Variants in INTS6 observed in about 807,000 individuals in gnomAD.
INTS6 encodes integrator complex subunit 6.
A neutral mutation model predicts 104.9 loss-of-function variants in INTS6; 16 were observed. That is an observed-to-expected ratio of 0.15 (90% confidence interval 0.10 to 0.23). The LOEUF (loss-of-function observed/expected upper bound fraction) is 0.23, where lower values mean the gene tolerates loss of function less well. INTS6 is among the 10% of genes least tolerant of loss of function. The pLI, the probability that INTS6 is intolerant of heterozygous loss-of-function variation, is 1.00. For synonymous variants in INTS6, 324 were observed against 358.7 expected (o/e 0.90, Z 1.09); for missense variants, 584 against 1,062.8 (o/e 0.55, Z 6.26).
chr13:51,373,059 T>C, intron 15 of INTS6, among the ~76,000 whole-genome samples: 1 of 152,136 alleles, frequency 6.6e-6, no homozygotes, highest in East Asian at 1.9e-4. Context: ...ATATTTTTTT[T>C]CCAGGAAAAA....
chr13:51,383,890 A>G (rs1956093717), intron 7 of INTS6, 149 bp from the exon 8 acceptor site: 2 of 510,526 alleles, frequency 3.9e-6, no homozygotes, highest in South Asian at 9.1e-5. Context: ...GAAAGGAAAC[A>G]CTTGAAAATG....
At position 51,387,516 on chromosome 13, in the gene INTS6, G is replaced by A. The variant is rs1340072180; in HGVS notation, c.764C>T (p.Pro255Leu). The A allele has an allele frequency of 6.2e-7, 1 of 1,610,754 alleles. No individual in the cohort carries two copies. Among genetic ancestry groups the A allele is most frequent in the African/African-American group, 1.3e-5 (1 of 74,790 alleles). ...VEDGQPDISR[P>L]FGSQPWHSCH... ...GCTATGCCAAGGCTGAGATCCAAAA[G>A]GCCTTGATATATCTGGCTGCCCATC... is the stretch of plus-strand genomic sequence containing the variant. The change falls in exon 7 of 18, where the codon CCT becomes CTT. Residue 255 changes from proline to leucine, a missense_variant. Transcript: ENST00000311234.
chr13:51,395,212 C>T (rs1259142181), intron 5 of INTS6, 88 bp downstream of exon 5: 1 of 1,297,068 alleles, frequency 7.7e-7, no homozygotes, highest in African/African-American at 1.5e-5. Flanking sequence ...GAAATAAAAA[C>T]AAACATGGAG....
intron 5 of INTS6, among the ~76,000 whole-genome samples, chr13:51,393,456 CTT>C (rs943553723): frequency 2.0e-5 from 3 of 152,246 alleles, no homozygotes; most frequent in African/African-American, 7.2e-5. Context: ...TGGGTATTAT[CTT>C]TTTTGTTCTT....
chr13:51,358,255 T>G (rs1442316599), downstream of INTS6, among the ~76,000 whole-genome samples: 1 of 152,074 alleles, frequency 6.6e-6, no homozygotes, highest in Non-Finnish European at 1.5e-5. Flanking sequence ...CAATAACATT[T>G]TAAAAGCCAC....
At position 51,452,674 on chromosome 13, in the gene INTS6, C is replaced by T. The variant is rs912989855; in HGVS notation, c.-149G>A. The T allele has an allele frequency of 2.1e-6, 3 of 1,411,852 alleles. No homozygotes were observed. The highest frequency in any genetic ancestry group is 1.3e-5 in the South Asian group (1 of 74,112). 87.5% of individuals were successfully genotyped at this position (1,411,852 alleles called of 1,614,324 possible). A position where few individuals can be genotyped will look rare whatever the true frequency, so the allele number is the denominator to read the frequency against. On this transcript the variant is annotated 5_prime_UTR_variant, in exon 1 of 18. Transcript: ENST00000311234. The surrounding 1 kb of genome is among the most constrained non-coding windows in gnomAD (Gnocchi z 4.2). ...ACTGTCTGGGTCTTTCCTCCGGCTG[C>T]GGGGAGTTTCTCCCCCGATAGTTGA... is the stretch of plus-strand genomic sequence containing the variant.
At chr13:51,409,263 A>AAATAATAATAAT (rs57913744) in intron 4 of INTS6, among the ~76,000 whole-genome samples, 20 of 135,946 alleles carry the variant, frequency 1.5e-4, no homozygotes, top group South Asian at 2.4e-4. Flanking sequence ...AATCCGTCTC[A>AAATAATAATAAT]AATAATAATA....
At chr13:51,382,893 A>G (rs1956078473) in intron 9 of INTS6, among the ~76,000 whole-genome samples, 2 of 152,250 alleles carry the variant, frequency 1.3e-5, no homozygotes, top group African/African-American at 2.4e-5. Context: ...CCTGGTCAAC[A>G]TGGTGAAACC....
intron 5 of INTS6, among the ~76,000 whole-genome samples, chr13:51,393,369 C>G (rs138134647): frequency 6.6e-6 from 1 of 152,128 alleles, no homozygotes; most frequent in East Asian, 1.9e-4. Flanking sequence ...TGAGCCACCG[C>G]GCCCGGCCAA....
intron 15 of INTS6, among the ~76,000 whole-genome samples, chr13:51,371,391 T>C (rs1955799800): frequency 6.6e-6 from 1 of 152,194 alleles, no homozygotes; most frequent in African/African-American, 2.4e-5. Flanking sequence ...TAGCAATTCC[T>C]CTACTTTCTT....
chr13:51,394,600 C>T (rs1956303051), intron 5 of INTS6, among the ~76,000 whole-genome samples: 1 of 151,972 alleles, frequency 6.6e-6, no homozygotes, highest in African/African-American at 2.4e-5. Flanking sequence ...TATTTTAATA[C>T]AATTCTCAGG....
Position 51,395,371 on chromosome 13 carries a change from A to G in INTS6, c.542T>C (p.Val181Ala), listed in dbSNP as rs1423075239. The G allele has an allele frequency of 6.2e-7, 1 of 1,614,004 alleles. No homozygotes were observed. The highest frequency in any genetic ancestry group is 1.1e-5 in the South Asian group (1 of 91,068). The change falls in exon 5 of 18, where the codon GTA (valine) becomes GCA (alanine). Residue 181 changes from valine to alanine, a missense_variant. By Grantham distance (64) the Val-to-Ala change is moderately conservative (BLOSUM62 0). Transcript: ENST00000311234. ...CACACCTGTCAACTGTTCTGATTCT[A>G]CTGACATGGTGCCAGGCAACCGCAA... ...LVLRLPGTMSVESEQLTGVPL... is the reference protein window; with the variant it reads ...LVLRLPGTMSAESEQLTGVPL...
intron 17 of INTS6, among the ~76,000 whole-genome samples, chr13:51,367,161 CATT>C (rs1955708504): frequency 6.6e-6 from 1 of 151,722 alleles, no homozygotes; most frequent in South Asian, 2.1e-4. Flanking sequence ...ATAATCTCTA[CATT>C]ATTTATAATA....
At chr13:51,355,632 C>T (rs886619092) in intron 3 of INTS6, among the ~76,000 whole-genome samples, 1 of 152,194 alleles carries the variant, frequency 6.6e-6, no homozygotes, top group Non-Finnish European at 1.5e-5. Context: ...CATACTCTTA[C>T]AACCTTGCCT....
downstream of INTS6, among the ~76,000 whole-genome samples, chr13:51,350,150 C>T (rs1048840790): frequency 6.6e-6 from 1 of 152,080 alleles, no homozygotes; most frequent in African/African-American, 2.4e-5. Context: ...AAAAATTTTG[C>T]ACACTGTGGG....
At chr13:51,335,106 T>C in the INTS6 span, among the ~76,000 whole-genome samples, 21 of 151,962 alleles carry the variant, frequency 1.4e-4, no homozygotes, top group Non-Finnish European at 2.9e-4. Context: ...TCCAGTGATC[T>C]AACACATGAG....
chr13:51,334,720 G>T, the INTS6 span, among the ~76,000 whole-genome samples: 1 of 152,034 alleles, frequency 6.6e-6, no homozygotes, highest in Non-Finnish European at 1.5e-5. Context: ...GGTGGCTCAC[G>T]CCTGTAATCC....
downstream of INTS6, among the ~76,000 whole-genome samples, chr13:51,352,443 T>C (rs558772692): frequency 5.8e-4 from 88 of 152,224 alleles, 1 homozygote; most frequent in Non-Finnish European, 1.0e-3. Flanking sequence ...TGCTGTACCT[T>C]ACTGAACTCA....
intron 3 of INTS6, among the ~76,000 whole-genome samples, chr13:51,432,132 G>A (rs1169235243): frequency 1.3e-5 from 2 of 151,890 alleles, no homozygotes; most frequent in Admixed American, 6.6e-5. Context: ...CATTTTCCAC[G>A]AAGCCTTCCC....
Sources: allele counts gnomAD v4.1 joint callset (sites outside exome capture counted in the v4.1 genomes callset), GRCh38; gene constraint gnomAD v4.1.1; non-coding constraint Gnocchi (gnomAD v3.1); transcripts MANE v1.5; gene names NCBI Gene and HGNC (gene_info 2026-07-23, HGNC 2026-07-21).